The following PGM5 variants were observed in gnomAD, a reference collection of about 807,000 sequenced individuals.
PGM5 encodes the protein phosphoglucomutase 5.
A neutral mutation model predicts 59.2 loss-of-function variants in PGM5; 23 were observed. That is an observed-to-expected ratio of 0.39 (90% CI 0.28 to 0.55). The LOEUF (loss-of-function observed/expected upper bound fraction) is 0.55, where lower values mean the gene tolerates loss of function less well. Ranked by LOEUF, PGM5 falls within the 20% of genes least tolerant of loss-of-function variation. PGM5 has a pLI of 0.66. For synonymous variants in PGM5, 214 were observed against 286.0 expected, an observed-to-expected ratio of 0.75 and a Z score of 2.54; for missense variants, 574 against 748.3, an observed-to-expected ratio of 0.77 and a Z score of 2.72.
At chr9:68,497,119 G>A (rs542544657) in intron 9 of PGM5, 1 of 152,336 alleles carries the variant, frequency 6.6e-6, no homozygotes, top group African/African-American at 2.4e-5. Flanking sequence ...TTGAAATACA[G>A]TGATTTGTAG....
Position 68,494,063 on chromosome 9 carries a change from AATTAAC to A in PGM5, c.1480-5160_1480-5155del, listed in dbSNP as rs1376148458. On this transcript the variant is annotated intron_variant, in intron 9 of 10. Coordinates refer to ENST00000396396, the MANE Select transcript of PGM5 (RefSeq NM_021965.4). Reference sequence around the variant, plus strand: ...ATACCCACACTCCTCCCCACCACATAATTAACATTGTCTTCTAATAAAGGAGAGCAT... The same window carrying A: ...ATACCCACACTCCTCCCCACCACATAATTGTCTTCTAATAAAGGAGAGCAT... Among the ~76,000 whole-genome samples, 4 of 152,086 alleles carry A rather than the reference AATTAAC, an allele frequency of 2.6e-5. 1 individual carries two copies. Among genetic ancestry groups the A allele is most frequent in the Non-Finnish European group, 5.9e-5 (4 of 68,014 alleles).
chr9:68,502,741 G>A (rs1824597906), intron 10 of PGM5, among the ~76,000 whole-genome samples: 1 of 152,166 alleles, frequency 6.6e-6, no homozygotes, highest in African/African-American at 2.4e-5. Flanking sequence ...CCAGGTTGAA[G>A]TGCAGTGGCA....
chr9:68,432,767 G>A (rs550422566), intron 6 of PGM5, among the ~76,000 whole-genome samples: 3 of 151,932 alleles, frequency 2.0e-5, no homozygotes, highest in Non-Finnish European at 2.9e-5. Context: ...CACCACACCT[G>A]GCTAATTTTT....
intron 6 of PGM5, among the ~76,000 whole-genome samples, chr9:68,409,528 T>C (rs1822883882): frequency 7.1e-6 from 1 of 140,658 alleles, no homozygotes; most frequent in African/African-American, 2.7e-5. Context: ...ATATACACCA[T>C]GGAATACTAT....
intron 10 of PGM5, among the ~76,000 whole-genome samples, chr9:68,500,600 C>T (rs962005683): frequency 2.6e-5 from 4 of 152,116 alleles, no homozygotes; most frequent in African/African-American, 7.2e-5. Context: ...TTGGTTAGTG[C>T]GTACATTTCT....
chr9:68,476,473 C>G (rs531387628), intron 7 of PGM5, among the ~76,000 whole-genome samples: 8 of 152,114 alleles, frequency 5.3e-5, no homozygotes, highest in Non-Finnish European at 8.8e-5. Context: ...CCATTTGATA[C>G]CTTTGTGCTT....
At chr9:68,487,706 A>C (rs1824319902) in intron 9 of PGM5, among the ~76,000 whole-genome samples, 1 of 152,210 alleles carries the variant, frequency 6.6e-6, no homozygotes, top group Non-Finnish European at 1.5e-5. Context: ...TAGCAGAAAT[A>C]ATTTTCAACA....
intron 6 of PGM5, among the ~76,000 whole-genome samples, chr9:68,452,300 C>T (rs1450264095): frequency 6.6e-6 from 1 of 152,190 alleles, no homozygotes. Flanking sequence ...AGCTCCCTGC[C>T]CTTCTCTTAG....
intron 8 of PGM5, among the ~76,000 whole-genome samples, chr9:68,483,440 C>T (rs189819328): frequency 2.1e-3 from 325 of 152,192 alleles, no homozygotes; most frequent in African/African-American, 3.7e-3. Context: ...ACACAGCTAG[C>T]GCAAGGGCCC....
intron 6 of PGM5, among the ~76,000 whole-genome samples, chr9:68,449,409 C>T (rs1339570085): frequency 6.6e-6 from 1 of 152,162 alleles, no homozygotes; most frequent in African/African-American, 2.4e-5. Flanking sequence ...AATTGCAAGC[C>T]TTTGGAGTCC....
At chr9:68,528,864 G>C (rs1825032581) in intron 10 of PGM5, among the ~76,000 whole-genome samples, 1 of 152,158 alleles carries the variant, frequency 6.6e-6, no homozygotes, top group Admixed American at 6.5e-5. Flanking sequence ...TGTGAGTGTT[G>C]CATGCTCCAC....
chr9:68,462,991 C>T (rs1823879842), intron 6 of PGM5, among the ~76,000 whole-genome samples: 1 of 152,004 alleles, frequency 6.6e-6, no homozygotes, highest in African/African-American at 2.4e-5. Flanking sequence ...AAGCATGATT[C>T]TATATCTTTC....
chr9:68,358,619 C>T (rs1350227576), intron 1 of PGM5, among the ~76,000 whole-genome samples: 1 of 152,050 alleles, frequency 6.6e-6, no homozygotes, highest in Non-Finnish European at 1.5e-5. Flanking sequence ...CATTTGAATT[C>T]CCTCCTTCCT....
chr9:68,530,262 C>A lies in PGM5; in HGVS notation c.*606C>A, dbSNP rs1825059963. On this transcript the variant is annotated 3_prime_UTR_variant, in exon 11 of 11. Coordinates refer to ENST00000396396, the MANE Select transcript of PGM5 (RefSeq NM_021965.4). ...CTCTCACATCTTCTAAAGCTTTGTA[C>A]AAATCACAATGGTGCACTTCCAACA... The A allele has an allele frequency of 6.6e-6, 1 of 152,264 alleles. No individual in the cohort carries two copies. The highest frequency in any genetic ancestry group is 6.5e-5 in the Admixed American group (1 of 15,288). 9.4% of individuals were successfully genotyped at this position (152,264 alleles called of 1,614,324 possible).
chr9:68,455,148 C>G (rs1441728542), intron 6 of PGM5, among the ~76,000 whole-genome samples: 3 of 152,124 alleles, frequency 2.0e-5, no homozygotes, highest in Non-Finnish European at 4.4e-5. Flanking sequence ...CAGCAACCTG[C>G]GTCATCCATT....
intron 9 of PGM5, among the ~76,000 whole-genome samples, chr9:68,485,334 C>T (rs899290733): frequency 6.6e-6 from 1 of 152,070 alleles, no homozygotes; most frequent in Non-Finnish European, 1.5e-5. Context: ...TTGGCTGTGT[C>T]CCCACCCAAA....
intron 9 of PGM5, among the ~76,000 whole-genome samples, chr9:68,494,970 T>C (rs1172397048): frequency 6.6e-6 from 1 of 152,220 alleles, no homozygotes; most frequent in Non-Finnish European, 1.5e-5. Context: ...CTCACTTTAG[T>C]TGTCGAACGT....
chr9:68,402,719 T>C (rs1427843513), intron 6 of PGM5, among the ~76,000 whole-genome samples: 2 of 152,170 alleles, frequency 1.3e-5, no homozygotes, highest in Admixed American at 6.5e-5. Context: ...CCAGAGAAGT[T>C]TGGTGCTTGA....
intron 10 of PGM5, among the ~76,000 whole-genome samples, chr9:68,517,574 G>T (rs1824842045): frequency 6.6e-6 from 1 of 152,186 alleles, no homozygotes; most frequent in Non-Finnish European, 1.5e-5. Context: ...AGCATGGTGG[G>T]CACTCTGGTG....
Sources: gnomAD v4.1 joint callset for allele counts (sites outside exome capture counted in the v4.1 genomes callset) on GRCh38, gnomAD v4.1.1 for gene constraint, MANE v1.5 for transcripts, NCBI Gene and HGNC (gene_info 2026-07-23, HGNC 2026-07-21) for gene names.